The following ST18 variants were observed in gnomAD, a reference collection of about 807,000 sequenced individuals.
ST18 encodes ST18 C2H2C-type zinc finger transcription factor.
Under a neutral mutation model 110.0 loss-of-function variants are expected in ST18, and 50 were observed. That is an observed-to-expected ratio of 0.45 (90% confidence interval 0.36 to 0.58). ST18 has a LOEUF of 0.58. Among genes scored for constraint, ST18 ranks in the 20% least tolerant of loss-of-function variants. The pLI, the probability that ST18 is intolerant of heterozygous loss-of-function variation, is 0.00. For missense variants in ST18, 1,306 were observed against 1,280.1 expected, an observed-to-expected ratio of 1.02 and a Z score of -0.31; for synonymous variants, 461 against 452.4, an observed-to-expected ratio of 1.02 and a Z score of -0.24.
intron 2 of ST18, among the ~76,000 whole-genome samples, chr8:52,371,938 C>G (rs764972207): frequency 6.6e-6 from 1 of 152,130 alleles, no homozygotes; most frequent in Non-Finnish European, 1.5e-5. Flanking sequence ...TATGTATTTA[C>G]TATACTACAA....
At chr8:52,153,639 A>G (rs2059336204) in intron 15 of ST18, among the ~76,000 whole-genome samples, 1 of 152,232 alleles carries the variant, frequency 6.6e-6, no homozygotes, top group Admixed American at 6.5e-5. Flanking sequence ...ATAAAATTTA[A>G]GTGAAATTTA....
rs771594281 is a variant in ST18 at position 52,172,051 on chromosome 8, A to G, written c.810T>C (p.Asn270=). 5 of 1,614,226 alleles carry G rather than the reference A, an allele frequency of 3.1e-6. No individual in the cohort carries two copies. In the South Asian group the frequency reaches 5.5e-5, roughly 18 times the overall value. Residue 270 remains asparagine, a synonymous_variant, in exon 10 of 26, where the codon AAT becomes AAC. Transcript: ENST00000689386. ...CAACGTCAGGGAATGAGGGCTGGGC[A>G]TTGCCATCCAGGGGTTCTGCGAGAG... ...QNALAEPLDG[N]AQPSFPDVEE... is the part of the protein sequence containing the mutation.
chr8:52,151,821 T>C (rs150877281), intron 15 of ST18, among the ~76,000 whole-genome samples: 65 of 152,338 alleles, frequency 4.3e-4, no homozygotes, highest in Non-Finnish European at 8.5e-4. Context: ...ACAACCAACA[T>C]TCACATAAAA....
intron 25 of ST18, among the ~76,000 whole-genome samples, chr8:52,114,989 G>A (rs950368775): frequency 9.2e-5 from 14 of 152,124 alleles, no homozygotes; most frequent in East Asian, 1.9e-4. Flanking sequence ...TATGATTTAC[G>A]CAACATTCAT....
At chr8:52,367,267 C>CACACACAT (rs1399409791) in intron 2 of ST18, among the ~76,000 whole-genome samples, 1 of 151,162 alleles carries the variant, frequency 6.6e-6, no homozygotes, top group East Asian at 1.9e-4. Flanking sequence ...CACACACACA[C>CACACACAT]ACAAAGATTT....
intron 23 of ST18, among the ~76,000 whole-genome samples, chr8:52,121,031 G>A (rs1345946835): frequency 1.3e-5 from 2 of 152,170 alleles, no homozygotes; most frequent in African/African-American, 4.8e-5. Flanking sequence ...GGCAGACTGG[G>A]AGGCTGAAAC....
At chr8:52,390,541 G>A (rs973544686) in intron 2 of ST18, among the ~76,000 whole-genome samples, 55 of 152,186 alleles carry the variant, frequency 3.6e-4, no homozygotes, top group Admixed American at 3.3e-4. Flanking sequence ...GTAGAAATAT[G>A]TCCGATTCCG....
chr8:52,113,448 G>A (rs186309636), intron 25 of ST18, 110 bp from the exon 26 acceptor site: 5 of 1,269,038 alleles, frequency 3.9e-6, no homozygotes, highest in African/African-American at 1.5e-5. Context: ...GGGAAGGCAA[G>A]GGTGCATATG....
At chr8:52,222,507 G>C (rs1401001580) in intron 3 of ST18, among the ~76,000 whole-genome samples, 1 of 152,168 alleles carries the variant, frequency 6.6e-6, no homozygotes, top group Non-Finnish European at 1.5e-5. Context: ...GATCGGCTTG[G>C]AGAAGTGCAC....
intron 2 of ST18, among the ~76,000 whole-genome samples, chr8:52,379,727 A>T (rs1468076281): frequency 6.6e-6 from 1 of 152,254 alleles, no homozygotes; most frequent in Admixed American, 6.5e-5. Context: ...GTTAAAGTTT[A>T]TCAAAACTCA....
chr8:52,322,338 T>C (rs1804324529), intron 2 of ST18, among the ~76,000 whole-genome samples: 1 of 152,214 alleles, frequency 6.6e-6, no homozygotes, highest in South Asian at 2.1e-4. Context: ...CTTAAGCTAG[T>C]TCAGATTGAA....
intron 2 of ST18, among the ~76,000 whole-genome samples, chr8:52,309,577 T>C (rs1020155391): frequency 7.1e-6 from 1 of 139,976 alleles, no homozygotes; most frequent in African/African-American, 2.7e-5. Context: ...CTATGAAATA[T>C]GAGTATTTTT....
intron 2 of ST18, among the ~76,000 whole-genome samples, chr8:52,353,494 C>T (rs1821289429): frequency 6.6e-6 from 1 of 152,116 alleles, no homozygotes; most frequent in South Asian, 2.1e-4. Flanking sequence ...CAGAAAGTTT[C>T]TTGTCTAAAT....
chr8:52,295,837 A>C (rs2095626697), intron 2 of ST18, among the ~76,000 whole-genome samples: 1 of 151,108 alleles, frequency 6.6e-6, no homozygotes, highest in African/African-American at 2.4e-5. Flanking sequence ...CTGCACGCTC[A>C]ATCTGCCTTC....
chr8:52,376,066 A>G (rs1832244264), intron 2 of ST18, among the ~76,000 whole-genome samples: 1 of 152,036 alleles, frequency 6.6e-6, no homozygotes, highest in South Asian at 2.1e-4. Context: ...TGCCACCACC[A>G]TCTCTCAACT....
chr8:52,247,250 A>C (rs1391926055), intron 2 of ST18, among the ~76,000 whole-genome samples: 3 of 152,216 alleles, frequency 2.0e-5, no homozygotes, highest in Non-Finnish European at 4.4e-5. Flanking sequence ...TTAAAGAAGA[A>C]AGCTGTCAAG....
chr8:52,349,867 A>G (rs1279709797), intron 2 of ST18, among the ~76,000 whole-genome samples: 1 of 151,750 alleles, frequency 6.6e-6, no homozygotes, highest in Admixed American at 6.6e-5. Flanking sequence ...AAGGAGGGAG[A>G]GTAGGGGGTC....
At chr8:52,272,348 G>T (rs2095102281) in intron 2 of ST18, among the ~76,000 whole-genome samples, 1 of 147,980 alleles carries the variant, frequency 6.8e-6, no homozygotes, top group South Asian at 2.1e-4. Flanking sequence ...CAACTCAATA[G>T]TAAAAAAAAA....
chr8:52,145,199 T>C (rs1213152992), intron 16 of ST18, among the ~76,000 whole-genome samples: 3 of 152,110 alleles, frequency 2.0e-5, no homozygotes, highest in African/African-American at 7.2e-5. Context: ...TAGGGCTGAA[T>C]CTATAATTAT....
Sources: allele counts gnomAD v4.1 joint callset (sites outside exome capture counted in the v4.1 genomes callset), GRCh38; gene constraint gnomAD v4.1.1; transcripts MANE v1.5; gene names NCBI Gene and HGNC (gene_info 2026-07-23, HGNC 2026-07-21).